The following PCCA variants were observed in gnomAD, a reference collection of about 807,000 sequenced individuals.
PCCA encodes propionyl-CoA carboxylase subunit alpha.
In PCCA, 74 loss-of-function variants were observed where a neutral mutation model predicts 101.3. The observed-to-expected ratio is 0.73, with a 90% CI of 0.61 to 0.89. The LOEUF is 0.89. Ranked by LOEUF, PCCA falls within the 40% of genes least tolerant of loss-of-function variation. The pLI, the probability that PCCA is intolerant of heterozygous loss-of-function variation, is 0.00. For missense variants in PCCA, 891 were observed against 907.0 expected, an observed-to-expected ratio of 0.98 and a Z score of 0.23; for synonymous variants, 294 against 313.6, an observed-to-expected ratio of 0.94 and a Z score of 0.66.
chr13:100,336,875 A>G (rs9518055), intron 17 of PCCA, among the ~76,000 whole-genome samples: 63,765 of 152,002 alleles, frequency 0.42, 15,550 homozygotes, highest in South Asian at 0.65. Context: ...GACCTGTAAC[A>G]AGTACAAGTG....
intron 20 of PCCA, among the ~76,000 whole-genome samples, chr13:100,426,360 A>G (rs76816694): frequency 8.7e-6 from 1 of 114,934 alleles, no homozygotes. Flanking sequence ...GCGTTTTAGG[A>G]AAAAAAAAAA....
At chr13:100,361,347 A>G (rs1469098749) in intron 18 of PCCA, among the ~76,000 whole-genome samples, 2 of 152,188 alleles carry the variant, frequency 1.3e-5, no homozygotes, top group African/African-American at 4.8e-5. Flanking sequence ...CAAATGCAAG[A>G]TGTTCATAAT....
At chr13:100,356,625 T>A (rs2073987502) in intron 18 of PCCA, among the ~76,000 whole-genome samples, 1 of 152,158 alleles carries the variant, frequency 6.6e-6, no homozygotes, top group African/African-American at 2.4e-5. Context: ...TGGGAATTTA[T>A]GACTACAGTG....
At chr13:100,338,363 G>T (rs2070808720) in intron 17 of PCCA, among the ~76,000 whole-genome samples, 1 of 152,160 alleles carries the variant, frequency 6.6e-6, no homozygotes, top group Non-Finnish European at 1.5e-5. Context: ...CATGAGAGCA[G>T]TGATGTCATC....
At chr13:100,157,116 T>A (rs1374396361) in intron 5 of PCCA, among the ~76,000 whole-genome samples, 171 bp from the exon 6 acceptor site, 1 of 152,198 alleles carries the variant, frequency 6.6e-6, no homozygotes, top group African/African-American at 2.4e-5. Context: ...TTCTTGGAAT[T>A]TGATTCTGAT....
chr13:100,247,777 A>G (rs967841617), intron 8 of PCCA, among the ~76,000 whole-genome samples: 2 of 152,114 alleles, frequency 1.3e-5, no homozygotes, highest in Non-Finnish European at 1.5e-5. Context: ...CGGCCTCCCA[A>G]AGTGCTGGGA....
intron 21 of PCCA, among the ~76,000 whole-genome samples, chr13:100,500,012 G>A (rs536692943): frequency 6.6e-6 from 1 of 152,198 alleles, no homozygotes; most frequent in South Asian, 2.1e-4. Flanking sequence ...ATAGTATTTG[G>A]AATCTATCTT....
Position 100,105,914 on chromosome 13 carries a change from A to G in PCCA, c.183+2954A>G, listed in dbSNP as rs913275283. On this transcript the variant is annotated intron_variant, in intron 2 of 23. Coordinates refer to ENST00000376285, the MANE Select transcript of PCCA (RefSeq NM_000282.4). ...GAAAAAAAGAAACGGGCTGTCATTG[A>G]GGAAGTTTGTGGTATTCGTCAATAT... 3.4e-5 allele frequency among the ~76,000 whole-genome samples: 5 copies of G among 146,650 alleles called. No homozygotes were observed. The South Asian group carries it at 1.1e-3, about 33-fold the overall frequency.
Position 100,209,392 on chromosome 13 carries a change from A to C in PCCA, c.529A>C (p.Lys177Gln), listed in dbSNP as rs755328273. ...ACATGCTATTCAAGCCATGGGCGAC[A>C]AGATTGAAAGCAAATTATTAGCTAA... ...DTHAIQAMGD[K>Q]IESKLLAKKA... The change falls in exon 7 of 24, where the codon AAG (lysine) becomes CAG (glutamine). Residue 177 changes from lysine (K) to glutamine (Q), a missense_variant. Coordinates refer to ENST00000376285, the MANE Select transcript of PCCA (RefSeq NM_000282.4). The C allele has an allele frequency of 5.6e-6, 9 of 1,613,330 alleles. No individual in the cohort carries two copies. Among genetic ancestry groups the C allele is most frequent in the Non-Finnish European group, 7.6e-6 (9 of 1,179,270 alleles).
At chr13:100,295,844 C>T (rs1036319246) in intron 12 of PCCA, among the ~76,000 whole-genome samples, 3 of 152,186 alleles carry the variant, frequency 2.0e-5, no homozygotes, top group Non-Finnish European at 2.9e-5. Context: ...ACACACACTG[C>T]GTCTTTCTGA....
intron 6 of PCCA, among the ~76,000 whole-genome samples, chr13:100,184,144 C>T (rs1162504173): frequency 6.6e-6 from 1 of 152,130 alleles, no homozygotes; most frequent in Non-Finnish European, 1.5e-5. Context: ...GCACGTCTTA[C>T]ATGAACAGAG....
In PCCA at chr13:100,254,685, G is replaced by T. The variant is rs184169585; in HGVS notation, c.638-2910G>T. On this transcript the variant is annotated intron_variant, in intron 8 of 23. Coordinates refer to ENST00000376285, the MANE Select transcript of PCCA (RefSeq NM_000282.4). Reference sequence around the variant, plus strand: ...TTTCTAAGTATTGTTTCTCCATGGTGTGGTGACAGCATATGTACTGCCTGA... The same window carrying T: ...TTTCTAAGTATTGTTTCTCCATGGTTTGGTGACAGCATATGTACTGCCTGA... Among the ~76,000 whole-genome samples the T allele has an allele frequency of 2.6e-5, 4 of 152,276 alleles. No homozygotes were observed. The East Asian group carries it at 7.7e-4, about 29-fold the overall frequency.
intron 19 of PCCA, among the ~76,000 whole-genome samples, chr13:100,424,770 GA>G (rs1412982811): frequency 6.6e-6 from 1 of 152,102 alleles, no homozygotes; most frequent in Non-Finnish European, 1.5e-5. Context: ...GATAGTGGGG[GA>G]ATTGTTAGGG....
At chr13:100,488,062 C>A (rs145436861) in intron 21 of PCCA, among the ~76,000 whole-genome samples, 36 of 151,926 alleles carry the variant, frequency 2.4e-4, no homozygotes, top group Non-Finnish European at 5.1e-4. Context: ...TTAATGAAGC[C>A]ACAAGCATTC....
At chr13:100,278,502 A>G (rs56707995) in intron 12 of PCCA, among the ~76,000 whole-genome samples, 74 of 107,394 alleles carry the variant, frequency 6.9e-4, no homozygotes, top group African/African-American at 2.3e-3. Context: ...TTTTTTTTTT[A>G]AACAGAGTCT....
chr13:100,442,742 A>G (rs1015334854), intron 20 of PCCA, among the ~76,000 whole-genome samples: 2 of 152,202 alleles, frequency 1.3e-5, no homozygotes, highest in African/African-American at 2.4e-5. Flanking sequence ...TGAAATTGAT[A>G]GAAAGTCACT....
intron 18 of PCCA, among the ~76,000 whole-genome samples, chr13:100,360,902 A>G (rs2074499331): frequency 6.6e-6 from 1 of 152,242 alleles, no homozygotes; most frequent in Non-Finnish European, 1.5e-5. Context: ...ACTGAGAAGC[A>G]ATGTCCTTCA....
At chr13:100,460,821 C>G (rs1335708932) in intron 21 of PCCA, among the ~76,000 whole-genome samples, 1 of 152,178 alleles carries the variant, frequency 6.6e-6, no homozygotes, top group Non-Finnish European at 1.5e-5. Context: ...TGAACTCCAT[C>G]AGTTTAACTC....
At chr13:100,227,919 AT>A (rs1802588735) in intron 7 of PCCA, among the ~76,000 whole-genome samples, 1 of 152,218 alleles carries the variant, frequency 6.6e-6, no homozygotes, top group South Asian at 2.1e-4. Flanking sequence ...TGATATGAAA[AT>A]AAAACTATTC....
Sources: allele counts gnomAD v4.1 joint callset (sites outside exome capture counted in the v4.1 genomes callset), GRCh38; gene constraint gnomAD v4.1.1; transcripts MANE v1.5; gene names NCBI Gene and HGNC (gene_info 2026-07-23, HGNC 2026-07-21).